The following MAP2K5 variants were observed in gnomAD, a reference collection of about 807,000 sequenced individuals.
The protein encoded by MAP2K5 is mitogen-activated protein kinase kinase 5.
Under a neutral mutation model 83.1 loss-of-function variants are expected in MAP2K5, and 49 were observed. That is an observed-to-expected ratio of 0.59 (90% CI 0.47 to 0.75). The LOEUF (loss-of-function observed/expected upper bound fraction) is 0.75. MAP2K5 is among the 30% of genes least tolerant of loss of function. The pLI is 0.00. For missense variants in MAP2K5, 457 were observed against 557.5 expected, an observed-to-expected ratio of 0.82 and a Z score of 1.82; for synonymous variants, 202 against 191.8, an observed-to-expected ratio of 1.05 and a Z score of -0.44.
chr15:67,667,033 G>A (rs1283232403), intron 13 of MAP2K5, among the ~76,000 whole-genome samples: 1 of 152,112 alleles, frequency 6.6e-6, no homozygotes, highest in East Asian at 1.9e-4. Context: ...TTACCTTCTG[G>A]ACTTAAAAGC....
chr15:67,762,315 G>A (rs2089963850), intron 19 of MAP2K5, among the ~76,000 whole-genome samples: 1 of 152,190 alleles, frequency 6.6e-6, no homozygotes, highest in Non-Finnish European at 1.5e-5. Context: ...GAGTATGTGT[G>A]TACTGTTCAT....
chr15:67,680,223 A>C (rs1387740263), intron 13 of MAP2K5, among the ~76,000 whole-genome samples: 1 of 152,144 alleles, frequency 6.6e-6, no homozygotes, highest in African/African-American at 2.4e-5. Context: ...CTTATTTACT[A>C]GTAGAGGGAT....
In MAP2K5 at chr15:67,786,363, A is replaced by G. The variant is rs771333154; in HGVS notation, c.1242+13611A>G. 6.6e-6 allele frequency among the ~76,000 whole-genome samples: 1 copy of G among 152,144 alleles called. No individual in the cohort carries two copies. Among genetic ancestry groups the G allele is most frequent in the Non-Finnish European group, 1.5e-5 (1 of 68,016 alleles). ...CCATAACTTTTCATGTCTGTCCTTTATTATTGGTAAAATGTAATGAGCATC... is the reference window on the plus strand; with the variant it reads ...CCATAACTTTTCATGTCTGTCCTTTGTTATTGGTAAAATGTAATGAGCATC... On this transcript the variant is annotated intron_variant, in intron 21 of 21. Coordinates refer to ENST00000178640, the MANE Select transcript of MAP2K5 (RefSeq NM_145160.3). The surrounding 1 kb of genome is among the most constrained non-coding windows in gnomAD (Gnocchi z 4.7).
At position 67,722,276 on chromosome 15, in the gene MAP2K5, G is replaced by A. The variant is rs997726357; in HGVS notation, c.1045-5640G>A. Among the ~76,000 whole-genome samples, 1 of 152,026 alleles carries A rather than the reference G, an allele frequency of 6.6e-6. No homozygotes were observed. The highest frequency in any genetic ancestry group is 1.5e-5 in the Non-Finnish European group (1 of 68,020). ...TTTCCTCACTCTGAGGCCTTTCAAG[G>A]CTTTGTTCTTAAGCCCCAGACACTT... On this transcript the variant is annotated intron_variant, in intron 16 of 21. Transcript: ENST00000178640. This position sits in a 1 kb window ranked among gnomAD's most constrained non-coding sequence, Gnocchi z 4.2.
intron 8 of MAP2K5, among the ~76,000 whole-genome samples, chr15:67,608,857 C>T (rs537938624): frequency 1.3e-5 from 2 of 152,202 alleles, no homozygotes; most frequent in East Asian, 3.9e-4. Flanking sequence ...GGGTTGTGTT[C>T]CCTGGAGGAG....
intron 15 of MAP2K5, among the ~76,000 whole-genome samples, chr15:67,700,375 G>T (rs1459969525): frequency 6.6e-6 from 1 of 152,172 alleles, no homozygotes; most frequent in Non-Finnish European, 1.5e-5. Context: ...TCACTACAAA[G>T]ATGTTTTAGA....
At chr15:67,620,745 A>C (rs2057932320) in intron 8 of MAP2K5, among the ~76,000 whole-genome samples, 1 of 152,204 alleles carries the variant, frequency 6.6e-6, no homozygotes, top group African/African-American at 2.4e-5. Flanking sequence ...TATATTGTTT[A>C]GGAGAAGGAT....
At chr15:67,558,548 C>T (rs2084672498) in intron 2 of MAP2K5, among the ~76,000 whole-genome samples, 1 of 152,200 alleles carries the variant, frequency 6.6e-6, no homozygotes, top group African/African-American at 2.4e-5. Flanking sequence ...TGATTTCCAT[C>T]TCACTCCAAA....
chr15:67,704,812 TTTGCATATTTTAAA>T (rs2088510775), intron 16 of MAP2K5, among the ~76,000 whole-genome samples: 1 of 152,184 alleles, frequency 6.6e-6, no homozygotes, highest in African/African-American at 2.4e-5. Context: ...ACAATTTCCT[TTTGCATATTTTAAA>T]TTGTTATCAT....
Position 67,542,802 on chromosome 15 carries a change from C to A in MAP2K5, c.-534C>A. 1 of 153,856 alleles carries A rather than the reference C, an allele frequency of 6.5e-6. No individual in the cohort carries two copies. The highest frequency in any genetic ancestry group is 1.8e-4 in the South Asian group (1 of 5,510). 9.5% of individuals were successfully genotyped at this position (153,856 alleles called of 1,614,324 possible). On this transcript the variant is annotated 5_prime_UTR_variant, in exon 1 of 22. Coordinates refer to ENST00000178640, the MANE Select transcript of MAP2K5 (RefSeq NM_145160.3). ...TGGCCGGAGCTCAGCCTGCGCGCGC[C>A]GCGCCCTGTGTCTCCGGGTGGGGCA... is the stretch of plus-strand genomic sequence containing the variant.
In MAP2K5 at chr15:67,774,756, G is replaced by C. The variant is rs1258384949; in HGVS notation, c.1242+2004G>C. The stretch of plus-strand genomic sequence containing the variant: ...GAACTATAGAGCCCATTTGTCACCT[G>C]GGTGGGGGCCTGTGCCTTTCACAAA... On this transcript the variant is annotated intron_variant, in intron 21 of 21. Transcript: ENST00000178640. This position sits in a 1 kb window ranked among gnomAD's most constrained non-coding sequence, Gnocchi z 4.9. 6.6e-6 allele frequency among the ~76,000 whole-genome samples: 1 copy of C among 152,216 alleles called. No homozygotes were observed. The highest frequency in any genetic ancestry group is 6.5e-5 in the Admixed American group (1 of 15,284).
In MAP2K5 at chr15:67,652,054, A is replaced by T. The variant is rs2141129547; in HGVS notation, c.736+5585A>T. On this transcript the variant is annotated intron_variant, in intron 11 of 21. Transcript: ENST00000178640. This position sits in a 1 kb window ranked among gnomAD's most constrained non-coding sequence, Gnocchi z 4.2. ...ATTCCCTGTCTTTTTGATAAAAGCC[A>T]TTTCAGCTGGAGTGAGAGGATATCT... Among the ~76,000 whole-genome samples, 2 of 152,200 alleles carry T rather than the reference A, an allele frequency of 1.3e-5. No homozygotes were observed. The highest frequency in any genetic ancestry group is 1.3e-4 in the Admixed American group (2 of 15,280).
rs2084785735 is a variant in MAP2K5, at chr15:67,563,752, C to T, written c.252+402C>T. On this transcript the variant is annotated intron_variant, in intron 3 of 21. Coordinates refer to ENST00000178640, the MANE Select transcript of MAP2K5 (RefSeq NM_145160.3). This position sits in a 1 kb window ranked among gnomAD's most constrained non-coding sequence, Gnocchi z 4.5. ...CAGACTATAGTTTACAATGTAGCTG[C>T]AGGCTTAATATGGATACACGATTTA... is the stretch of plus-strand genomic sequence containing the variant. Among the ~76,000 whole-genome samples, 1 of 152,026 alleles carries T rather than the reference C, an allele frequency of 6.6e-6. No homozygotes were observed. Among genetic ancestry groups the T allele is most frequent in the African/African-American group, 2.4e-5 (1 of 41,390 alleles).
chr15:67,563,310 C>T lies in MAP2K5; in HGVS notation c.212C>T (p.Thr71Ile). The T allele has an allele frequency of 6.2e-7, 1 of 1,609,762 alleles. No homozygotes were observed. Among genetic ancestry groups the T allele is most frequent in the Non-Finnish European group, 8.5e-7 (1 of 1,177,542 alleles). Residue 71 changes from threonine (T) to isoleucine (I), a missense_variant, in exon 3 of 22, where the codon ACA becomes ATA. Around this residue, in one of 3 missense-constraint regions of MAP2K5, gnomAD observed 234 missense variants for 243.6 expected, o/e 0.96. Transcript: ENST00000178640. This position sits in a 1 kb window ranked among gnomAD's most constrained non-coding sequence, Gnocchi z 4.5. ...GAAGATGAAGATGGTGATCGAATTA[C>T]AGTGAGAAGTGATGAGGAAATGAAG... ...EYEDEDGDRI[T>I]VRSDEEMKAM...
intron 6 of MAP2K5, among the ~76,000 whole-genome samples, chr15:67,589,256 C>CT (rs1001079873): frequency 1.5e-4 from 23 of 148,882 alleles, no homozygotes; most frequent in Admixed American, 4.0e-4. Flanking sequence ...ACAATTTTTT[C>CT]TTTTTTTTTT....
Position 67,607,904 on chromosome 15 carries a change from T to G in MAP2K5, c.545+7155T>G, listed in dbSNP as rs3803520. Among the ~76,000 whole-genome samples the G allele has an allele frequency of 8.4e-3, 1,275 of 152,298 alleles. 41 individuals are homozygous for G. Among genetic ancestry groups the G allele is most frequent in the Admixed American group, 0.062 (952 of 15,296 alleles). The stretch of plus-strand genomic sequence containing the variant: ...GGCCAATATTGCTATACAAACAACT[T>G]TTCAGTCAATTGAGTCTGGTAAAAA... On this transcript the variant is annotated intron_variant, in intron 8 of 21. Transcript: ENST00000178640.
intron 17 of MAP2K5, among the ~76,000 whole-genome samples, chr15:67,734,322 A>G (rs1268550450): frequency 6.6e-6 from 1 of 152,178 alleles, no homozygotes; most frequent in Non-Finnish European, 1.5e-5. Context: ...TGTCAAGGAG[A>G]AAATATTTTG....
intron 19 of MAP2K5, among the ~76,000 whole-genome samples, chr15:67,767,186 C>G (rs1168207934): frequency 6.6e-6 from 1 of 152,182 alleles, no homozygotes; most frequent in Non-Finnish European, 1.5e-5. Context: ...ATAAAATTAA[C>G]TACCCATGCA....
At chr15:67,796,439 G>T (rs2090605582) in intron 21 of MAP2K5, among the ~76,000 whole-genome samples, 1 of 152,162 alleles carries the variant, frequency 6.6e-6, no homozygotes, top group Non-Finnish European at 1.5e-5. Context: ...GGCAAGAGGG[G>T]AGCTGGCACA....
Sources: allele counts gnomAD v4.1 joint callset (sites outside exome capture counted in the v4.1 genomes callset), GRCh38; gene constraint gnomAD v4.1.1; regional missense constraint gnomAD v4.1.1; non-coding constraint Gnocchi (gnomAD v3.1); transcripts MANE v1.5; gene names NCBI Gene and HGNC (gene_info 2026-07-23, HGNC 2026-07-21).